The following SULF1 variants were observed in gnomAD, a reference collection of about 807,000 sequenced individuals.
SULF1 encodes sulfatase 1.
A neutral mutation model predicts 110.5 loss-of-function variants in SULF1; 46 were observed. The ratio of observed to expected loss-of-function variants is 0.42; its 90% confidence interval spans 0.33 to 0.53. The LOEUF (loss-of-function observed/expected upper bound fraction) is 0.53, where lower values mean the gene tolerates loss of function less well. Among genes scored for constraint, SULF1 ranks in the 20% least tolerant of loss-of-function variants. The pLI is 0.12. For missense variants in SULF1, 941 were observed against 1,094.2 expected (o/e 0.86, Z 1.98); for synonymous variants, 371 against 387.1 (o/e 0.96, Z 0.49).
In SULF1 at chr8:69,659,324, T is replaced by C. The variant is rs938861667; in HGVS notation, c.*789T>C. On this transcript the variant is annotated 3_prime_UTR_variant, in exon 23 of 23. Transcript: ENST00000402687. ...TCCTCTTCACTCTCCTCTGATTAGA[T>C]GAAACTGTTACCTTACCCTAAACAC... 3.6e-5 allele frequency: 14 copies of C among 385,190 alleles called. No homozygotes were observed. Among genetic ancestry groups the C allele is most frequent in the Admixed American group, 1.0e-4 (3 of 28,830 alleles). The allele number at this position is 385,190 out of a possible 1,614,324, so 23.9% of individuals were successfully genotyped here. A position where few individuals can be genotyped will look rare whatever the true frequency, so the allele number is the denominator to read the frequency against.
At chr8:69,589,515 G>A (rs151163924) in intron 8 of SULF1, among the ~76,000 whole-genome samples, 1,681 of 152,312 alleles carry the variant, frequency 0.011, 13 homozygotes, top group Middle Eastern at 0.017. Context: ...TGCACAGTGG[G>A]GACCTCTGGT....
At chr8:69,657,216 G>A (rs2130756162) in intron 22 of SULF1, among the ~76,000 whole-genome samples, 1 of 152,324 alleles carries the variant, frequency 6.6e-6, no homozygotes, top group African/African-American at 2.4e-5. Flanking sequence ...GAGAGAGGTT[G>A]TGTGTCTTCC....
chr8:69,567,023 C>T (rs901467159), intron 5 of SULF1, among the ~76,000 whole-genome samples: 4 of 152,156 alleles, frequency 2.6e-5, no homozygotes, highest in African/African-American at 9.7e-5. Context: ...TCCACAGCTA[C>T]GTATTTAACC....
intron 3 of SULF1, among the ~76,000 whole-genome samples, chr8:69,540,728 C>T (rs1026547477): frequency 2.6e-5 from 4 of 152,156 alleles, no homozygotes; most frequent in African/African-American, 9.7e-5. Flanking sequence ...TTTAGGGCTC[C>T]ACTTGAGATA....
upstream of SULF1, among the ~76,000 whole-genome samples, chr8:69,492,412 A>G (rs1287985592): frequency 6.6e-6 from 1 of 152,094 alleles, no homozygotes; most frequent in Non-Finnish European, 1.5e-5. Flanking sequence ...AGGAATAAAG[A>G]GAACCAGCAG....
chr8:69,627,622 C>T (rs1810197417), intron 16 of SULF1, 150 bp from the exon 17 acceptor site: 2 of 674,046 alleles, frequency 3.0e-6, no homozygotes, highest in African/African-American at 1.8e-5. Context: ...TCTATATAGA[C>T]ATATTCTATG....
chr8:69,605,124 C>T (rs1229469988), intron 13 of SULF1, among the ~76,000 whole-genome samples, 192 bp downstream of exon 13: 1 of 152,238 alleles, frequency 6.6e-6, no homozygotes, highest in Admixed American at 6.5e-5. Context: ...CTCCCCATTA[C>T]TACTTGGGCT....
intron 3 of SULF1, among the ~76,000 whole-genome samples, chr8:69,517,916 T>A (rs1434347455): frequency 6.6e-6 from 1 of 152,180 alleles, no homozygotes; most frequent in African/African-American, 2.4e-5. Context: ...AAATAATAAA[T>A]GCACAAATAA....
intron 10 of SULF1, among the ~76,000 whole-genome samples, chr8:69,602,701 A>G (rs1455166103): frequency 1.3e-5 from 2 of 152,226 alleles, no homozygotes; most frequent in African/African-American, 4.8e-5. Flanking sequence ...GTTTCTTTGA[A>G]GAATGTTATT....
chr8:69,605,861 C>A (rs979754816), intron 13 of SULF1, among the ~76,000 whole-genome samples: 2 of 152,184 alleles, frequency 1.3e-5, no homozygotes, highest in African/African-American at 4.8e-5. Flanking sequence ...GTGAGGTGGG[C>A]ATTGGCATCT....
chr8:69,572,578 C>T (rs928950059), intron 5 of SULF1, among the ~76,000 whole-genome samples: 1 of 152,274 alleles, frequency 6.6e-6, no homozygotes, highest in East Asian at 1.9e-4. Context: ...TCTTCCAGCT[C>T]TAGGCTTCCC....
chr8:69,508,527 T>G (rs1424354176), intron 3 of SULF1, among the ~76,000 whole-genome samples: 2 of 152,244 alleles, frequency 1.3e-5, no homozygotes, highest in African/African-American at 4.8e-5. Context: ...ATTAGTAGCC[T>G]TTAAAGAAAT....
In SULF1 at chr8:69,590,130, G is replaced by A. The variant is rs1424191281; in HGVS notation, c.734+989G>A. Among the ~76,000 whole-genome samples the A allele has an allele frequency of 3.3e-5, 5 of 152,204 alleles. No homozygotes were observed. The East Asian group carries it at 5.8e-4, about 18-fold the overall frequency. On this transcript the variant is annotated intron_variant, in intron 8 of 22. Coordinates refer to ENST00000402687, the MANE Select transcript of SULF1 (RefSeq NM_001128205.2). Reference sequence around the variant, plus strand: ...TAACTATGCAGGCTCTCTAGTTGCCGGTCACTATACATCCCTAGAGAAGTT... The same window carrying A: ...TAACTATGCAGGCTCTCTAGTTGCCAGTCACTATACATCCCTAGAGAAGTT...
In SULF1 at chr8:69,627,215, T is replaced by C. The variant is rs1402107529; in HGVS notation, c.1856T>C (p.Phe619Ser). ...GGTTTTGGTTTGTTTTGCAGGTGTT[T>C]TATTCTTCCCAATGACTCTATCCAT... ...PTTVRVTHKC[F>S]ILPNDSIHCE... Residue 619 changes from phenylalanine to serine, a missense_variant, in exon 16 of 23, where the codon TTT (phenylalanine) becomes TCT (serine). This residue lies in a region of SULF1 where 822 missense variants were observed against 934.3 expected (regional missense o/e 0.88). Transcript: ENST00000402687. 1.9e-6 allele frequency: 3 copies of C among 1,613,930 alleles called. No individual in the cohort carries two copies. Among genetic ancestry groups the C allele is most frequent in the Non-Finnish European group, 8.5e-7 (1 of 1,179,794 alleles).
chr8:69,545,809 G>A (rs113262228), intron 3 of SULF1, among the ~76,000 whole-genome samples: 39 of 152,256 alleles, frequency 2.6e-4, no homozygotes, highest in African/African-American at 7.9e-4. Context: ...CAATTCTCCT[G>A]CCGCAGTCCA....
chr8:69,484,825 C>CACTTCTTCTTCTTCTTCTTCTTCTTCT (rs1554557583), intron 1 of SULF1, among the ~76,000 whole-genome samples: 10 of 148,832 alleles, frequency 6.7e-5, no homozygotes, highest in African/African-American at 2.5e-4. Context: ...TTTCATCTTC[C>CACTTCTTCTTCTTCTTCTTCTTCTTCT]TCTTCTTCTT....
At chr8:69,642,884 G>A (rs1811587184) in intron 22 of SULF1, among the ~76,000 whole-genome samples, 2 of 152,132 alleles carry the variant, frequency 1.3e-5, no homozygotes, top group Non-Finnish European at 2.9e-5. Context: ...CCTGATCCCT[G>A]CCACCACCAC....
At chr8:69,553,215 C>A (rs1300297390) in intron 3 of SULF1, among the ~76,000 whole-genome samples, 3 of 152,240 alleles carry the variant, frequency 2.0e-5, no homozygotes, top group Non-Finnish European at 2.9e-5. Context: ...GCCAGAGCAT[C>A]ATTTTTGATG....
intron 19 of SULF1, among the ~76,000 whole-genome samples, chr8:69,632,841 A>G (rs962826020): frequency 6.6e-6 from 1 of 152,098 alleles, no homozygotes; most frequent in African/African-American, 2.4e-5. Flanking sequence ...CCTGAGCAAC[A>G]TGGTGAAACC....
Sources: allele counts gnomAD v4.1 joint callset (sites outside exome capture counted in the v4.1 genomes callset), GRCh38; gene constraint gnomAD v4.1.1; regional missense constraint gnomAD v4.1.1; transcripts MANE v1.5; gene names NCBI Gene and HGNC (gene_info 2026-07-23, HGNC 2026-07-21).